The following EPHB2 variants were observed in gnomAD, a reference collection of about 807,000 sequenced individuals.
EPHB2 encodes the protein ephrin type-B receptor 2.
A neutral mutation model predicts 96.4 loss-of-function variants in EPHB2; 18 were observed. That is an observed-to-expected ratio of 0.19 (90% CI 0.13 to 0.28). The LOEUF is 0.28. Ranked by LOEUF, EPHB2 falls within the 10% of genes least tolerant of loss-of-function variation. EPHB2 has a pLI of 1.00. For synonymous variants in EPHB2, 506 were observed against 534.1 expected, an observed-to-expected ratio of 0.95 and a Z score of 0.72; for missense variants, 989 against 1,355.4, an observed-to-expected ratio of 0.73 and a Z score of 4.25.
At chr1:22,747,786 C>T (rs1008347607) in intron 1 of EPHB2, among the ~76,000 whole-genome samples, 2 of 152,220 alleles carry the variant, frequency 1.3e-5, no homozygotes, top group African/African-American at 2.4e-5. Flanking sequence ...TAGAACCCAT[C>T]GTGCTGTAGA....
At chr1:22,855,882 C>T (rs772436875) in intron 3 of EPHB2, among the ~76,000 whole-genome samples, 3 of 152,196 alleles carry the variant, frequency 2.0e-5, no homozygotes, top group Admixed American at 6.5e-5. Flanking sequence ...TGGAATTAAG[C>T]CCTGGCCGTA....
chr1:22,848,933 G>A (rs780268061), intron 3 of EPHB2, among the ~76,000 whole-genome samples: 1 of 152,066 alleles, frequency 6.6e-6, no homozygotes, highest in African/African-American at 2.4e-5. Flanking sequence ...CATGTGCGCT[G>A]GGGATGGCAC....
chr1:22,912,808 C>A, intron 15 of EPHB2: 1 of 658,862 alleles, frequency 1.5e-6, no homozygotes, highest in Non-Finnish European at 2.7e-6. Context: ...TTGGTCAAAT[C>A]ATAGCACCTC....
Position 22,910,516 on chromosome 1 carries a change from G to C in EPHB2, c.2637G>C (p.Thr879=), listed in dbSNP as rs142464595. ...HRPKFGQIVN[T]LDKMIRNPNS... is the part of the protein sequence containing the mutation. The stretch of plus-strand genomic sequence containing the variant: ...CCAAGTTCGGCCAAATTGTCAACAC[G>C]CTAGACAAGATGATCCGCAATCCCA... Residue 879 remains threonine (T), a synonymous_variant, in exon 14 of 16, where the codon ACG becomes ACC. Coordinates refer to ENST00000374630, the MANE Select transcript of EPHB2 (RefSeq NM_017449.5). 8 of 1,613,170 alleles carry C rather than the reference G, an allele frequency of 5.0e-6. No homozygotes were observed. Among genetic ancestry groups the C allele is most frequent in the Non-Finnish European group, 5.9e-6 (7 of 1,180,032 alleles).
Position 22,892,919 on chromosome 1 carries a change from C to T in EPHB2, c.1464C>T (p.Ser488=), listed in dbSNP as rs2148566192. Residue 488 remains serine (S), a synonymous_variant, in exon 7 of 16, where the codon AGC becomes AGT. Transcript: ENST00000374630. The part of the protein sequence containing the change: ...LSEYNATAIK[S]PTNTVTVQGL... Reference sequence around the variant, plus strand: ...AGTACAACGCCACAGCCATAAAAAGCCCCACCAACACGGTCACCGTGCAGG... The same window carrying T: ...AGTACAACGCCACAGCCATAAAAAGTCCCACCAACACGGTCACCGTGCAGG... 6.2e-7 allele frequency: 1 copy of T among 1,614,234 alleles called. No individual in the cohort carries two copies. Among genetic ancestry groups the T allele is most frequent in the Middle Eastern group, 1.6e-4 (1 of 6,062 alleles).
intron 3 of EPHB2, among the ~76,000 whole-genome samples, chr1:22,789,811 C>A (rs1230244270): frequency 6.6e-6 from 1 of 152,134 alleles, no homozygotes; most frequent in African/African-American, 2.4e-5. Flanking sequence ...CAATAGAGAT[C>A]AAAAAGTGGC....
rs978258791 is a variant in EPHB2 at position 22,846,580 on chromosome 1, C to T, written c.812-16457C>T. ...TGGCACGCACCTGTTGCTGGGTAGG[C>T]GGCTTGTTGCCTCTCCAGCCTCGTG... On this transcript the variant is annotated intron_variant, in intron 3 of 15. Coordinates refer to ENST00000374630, the MANE Select transcript of EPHB2 (RefSeq NM_017449.5). The surrounding 1 kb of genome is among the most constrained non-coding windows in gnomAD (Gnocchi z 4.3). Among the ~76,000 whole-genome samples the T allele has an allele frequency of 1.3e-5, 2 of 152,276 alleles. No homozygotes were observed. Among genetic ancestry groups the T allele is most frequent in the East Asian group, 1.9e-4 (1 of 5,182 alleles).
chr1:22,862,617 C>T (rs1228767084), intron 3 of EPHB2, among the ~76,000 whole-genome samples: 1 of 152,122 alleles, frequency 6.6e-6, no homozygotes, highest in Admixed American at 6.5e-5. Flanking sequence ...TTTCTTCTGC[C>T]GTATAATCAT....
chr1:22,736,700 A>G (rs911385376), intron 1 of EPHB2, among the ~76,000 whole-genome samples: 1 of 152,212 alleles, frequency 6.6e-6, no homozygotes, highest in African/African-American at 2.4e-5. Flanking sequence ...GTCACTGTGG[A>G]TAAAGGCGCT....
intron 1 of EPHB2, among the ~76,000 whole-genome samples, chr1:22,765,855 C>T (rs962819950): frequency 2.0e-5 from 3 of 152,170 alleles, no homozygotes; most frequent in Admixed American, 6.5e-5. Context: ...ACCCTGGGAA[C>T]CCGCCACTGG....
chr1:22,822,329 TA>T (rs11351118), intron 3 of EPHB2, among the ~76,000 whole-genome samples: 31,816 of 148,120 alleles, frequency 0.21, 3,411 homozygotes, highest in South Asian at 0.33. Context: ...TTTTTTAATT[TA>T]AAAAAAAAAG....
intron 1 of EPHB2, among the ~76,000 whole-genome samples, chr1:22,754,122 C>T (rs1195093782): frequency 6.6e-6 from 1 of 152,146 alleles, no homozygotes; most frequent in Non-Finnish European, 1.5e-5. Flanking sequence ...GACACTGGAC[C>T]CTCTGTGGCC....
intron 7 of EPHB2, 69 bp downstream of exon 7, chr1:22,893,115 T>C: frequency 6.2e-7 from 1 of 1,611,270 alleles, no homozygotes; most frequent in Non-Finnish European, 8.5e-7. Context: ...AGGGTCACCA[T>C]TCTCATGAAG....
At chr1:22,854,529 T>A (rs1462446808) in intron 3 of EPHB2, among the ~76,000 whole-genome samples, 1 of 152,062 alleles carries the variant, frequency 6.6e-6, no homozygotes, top group African/African-American at 2.4e-5. Flanking sequence ...AGAAAAAAAA[T>A]TAAGAACATG....
At chr1:22,854,732 G>C (rs1218925215) in intron 3 of EPHB2, among the ~76,000 whole-genome samples, 1 of 152,026 alleles carries the variant, frequency 6.6e-6, no homozygotes, top group Non-Finnish European at 1.5e-5. Flanking sequence ...ACAGTGCTTA[G>C]AAGCACCTCC....
intron 3 of EPHB2, among the ~76,000 whole-genome samples, chr1:22,787,194 G>C (rs1644624745): frequency 6.6e-6 from 1 of 152,224 alleles, no homozygotes; most frequent in South Asian, 2.1e-4. Flanking sequence ...AATAGGAACT[G>C]CTCAGGCTAC....
intron 1 of EPHB2, among the ~76,000 whole-genome samples, chr1:22,776,685 CT>C (rs1223327972): frequency 6.6e-6 from 1 of 152,222 alleles, no homozygotes; most frequent in Non-Finnish European, 1.5e-5. Context: ...CATGATTACG[CT>C]TTTTCCTCTT....
At chr1:22,895,290 A>T (rs1639520891) in intron 7 of EPHB2, among the ~76,000 whole-genome samples, 182 bp from the exon 8 acceptor site, 1 of 152,234 alleles carries the variant, frequency 6.6e-6, no homozygotes, top group Non-Finnish European at 1.5e-5. Flanking sequence ...GGACTTGTCC[A>T]GGGTTACTTG....
chr1:22,723,429 T>C (rs1643514575), intron 1 of EPHB2, among the ~76,000 whole-genome samples: 1 of 152,186 alleles, frequency 6.6e-6, no homozygotes, highest in African/African-American at 2.4e-5. Context: ...CTCCCGCAGC[T>C]CTCGGGAGAA....
Sources: allele counts gnomAD v4.1 joint callset (sites outside exome capture counted in the v4.1 genomes callset), GRCh38; gene constraint gnomAD v4.1.1; non-coding constraint Gnocchi (gnomAD v3.1); transcripts MANE v1.5; gene names NCBI Gene and HGNC (gene_info 2026-07-23, HGNC 2026-07-21).